The following RTL4 variants were observed in gnomAD, a reference collection of about 807,000 sequenced individuals.
The protein encoded by RTL4 is retrotransposon Gag-like protein 4.
A neutral mutation model predicts 5.3 loss-of-function variants in RTL4; 4 were observed. The observed-to-expected ratio is 0.75, with a 90% CI of 0.37 to 1.72. The LOEUF is 1.72. Among genes scored for constraint, RTL4 ranks in the 40% most tolerant of loss-of-function variants. The pLI is 0.04. For missense variants in RTL4, 260 were observed against 227.1 expected (o/e 1.14, Z -0.93); for synonymous variants, 98 against 87.3 (o/e 1.12, Z -0.68).
the RTL4 span, among the ~76,000 whole-genome samples, chrX:112,138,411 AAAT>A: frequency 1.2e-4 from 13 of 111,540 alleles, no homozygotes; most frequent in East Asian, 2.8e-4. Context: ...TGTTCTTATA[AAAT>A]AATAATAATA....
chrX:112,129,758 A>G, the RTL4 span, among the ~76,000 whole-genome samples: 18 of 112,213 alleles, frequency 1.6e-4, no homozygotes, highest in African/African-American at 5.8e-4. Flanking sequence ...AGAAAATTTG[A>G]TGGAATATAC....
At chrX:112,401,873 A>G in the RTL4 span, among the ~76,000 whole-genome samples, 1 of 112,350 alleles carries the variant, frequency 8.9e-6, no homozygotes, top group African/African-American at 3.2e-5. Flanking sequence ...TGCCAGACAC[A>G]TTAAACATCA....
At chrX:112,118,665 C>T in the RTL4 span, among the ~76,000 whole-genome samples, 8 of 111,457 alleles carry the variant, frequency 7.2e-5, no homozygotes, top group East Asian at 2.8e-4. Context: ...GAAGGCTGGA[C>T]GCTACAACTA....
the RTL4 span, among the ~76,000 whole-genome samples, chrX:112,353,809 T>C: frequency 9.0e-6 from 1 of 110,635 alleles, no homozygotes; most frequent in Non-Finnish European, 1.9e-5. Flanking sequence ...ATTATGCACA[T>C]GTATCCTAGA....
the RTL4 span, among the ~76,000 whole-genome samples, chrX:112,376,074 T>C: frequency 9.0e-6 from 1 of 111,011 alleles, no homozygotes; most frequent in African/African-American, 3.3e-5. Context: ...TTGATAATCA[T>C]GATTGGGGGG....
At chrX:112,308,657 T>C in the RTL4 span, among the ~76,000 whole-genome samples, 2 of 111,778 alleles carry the variant, frequency 1.8e-5, no homozygotes, top group African/African-American at 3.2e-5. Context: ...GTACTTTTGG[T>C]ACATGGCCTG....
the RTL4 span, among the ~76,000 whole-genome samples, chrX:112,179,584 A>G: frequency 2.7e-5 from 3 of 111,768 alleles, no homozygotes; most frequent in African/African-American, 9.8e-5. Flanking sequence ...TTGAGGCCCA[A>G]AGAGTCAATT....
chrX:112,165,822 A>C, the RTL4 span, among the ~76,000 whole-genome samples: 2 of 111,780 alleles, frequency 1.8e-5, no homozygotes, highest in Non-Finnish European at 3.8e-5. Context: ...CTGAAGGTGT[A>C]TTGTGAGGAG....
At chrX:112,182,547 A>C in the RTL4 span, among the ~76,000 whole-genome samples, 1 of 112,026 alleles carries the variant, frequency 8.9e-6, no homozygotes, top group Non-Finnish European at 1.9e-5. Flanking sequence ...CAAATCAATC[A>C]AGTGGAAGAA....
the RTL4 span, among the ~76,000 whole-genome samples, chrX:112,138,256 CAG>C: frequency 2.7e-5 from 3 of 111,994 alleles, no homozygotes; most frequent in Non-Finnish European, 5.6e-5. Flanking sequence ...GAGAGGGAAA[CAG>C]GGAGTTATTT....
the RTL4 span, among the ~76,000 whole-genome samples, chrX:112,128,123 A>G: frequency 8.9e-6 from 1 of 111,800 alleles, no homozygotes; most frequent in Non-Finnish European, 1.9e-5. Context: ...TCCCTTAAAA[A>G]GAAGAAAAAA....
chrX:112,276,840 AATTAAC>A, the RTL4 span, among the ~76,000 whole-genome samples: 4 of 112,004 alleles, frequency 3.6e-5, no homozygotes, highest in Non-Finnish European at 7.5e-5. Flanking sequence ...TAGTAAAAAA[AATTAAC>A]ATTATTAAGT....
chrX:112,420,483 A>G, the RTL4 span, among the ~76,000 whole-genome samples: 1 of 111,816 alleles, frequency 8.9e-6, no homozygotes. Context: ...ACAGAGACGT[A>G]ATATGTTAGG....
the RTL4 span, among the ~76,000 whole-genome samples, chrX:112,124,777 C>T: frequency 2.7e-5 from 3 of 110,633 alleles, no homozygotes; most frequent in East Asian, 5.7e-4. Flanking sequence ...GCACGTTCTG[C>T]GCACGTATCC....
chrX:112,120,340 T>G, the RTL4 span, among the ~76,000 whole-genome samples: 18,960 of 111,532 alleles, frequency 0.17, 2,494 homozygotes, highest in African/African-American at 0.45. Flanking sequence ...GCAGTGGCGC[T>G]ATCTCAGCTC....
At chrX:112,237,475 T>A in the RTL4 span, among the ~76,000 whole-genome samples, 1 of 112,191 alleles carries the variant, frequency 8.9e-6, no homozygotes, top group South Asian at 3.7e-4. Context: ...GAAGGTCAAG[T>A]TCATGAGGGA....
At chrX:112,134,214 A>G in the RTL4 span, among the ~76,000 whole-genome samples, 1 of 112,047 alleles carries the variant, frequency 8.9e-6, no homozygotes, top group South Asian at 3.8e-4. Context: ...TAAATCCTCT[A>G]CAACACCAGA....
chrX:112,414,164 T>A, the RTL4 span, among the ~76,000 whole-genome samples: 2 of 111,587 alleles, frequency 1.8e-5, no homozygotes, highest in Non-Finnish European at 3.8e-5. Flanking sequence ...TGCTTGTTCA[T>A]TTCCTTTCCC....
chrX:112,212,451 A>G, the RTL4 span, among the ~76,000 whole-genome samples: 1 of 112,733 alleles, frequency 8.9e-6, no homozygotes, highest in African/African-American at 3.2e-5. Flanking sequence ...ACTTAGTAAA[A>G]TCATTGCTAC....
Sources: allele counts gnomAD v4.1 joint callset (sites outside exome capture counted in the v4.1 genomes callset), GRCh38; gene constraint gnomAD v4.1.1; transcripts MANE v1.5; gene names NCBI Gene and HGNC (gene_info 2026-07-23, HGNC 2026-07-21).